Variants in TNS3 observed in about 807,000 individuals in gnomAD.
The protein encoded by TNS3 is tensin 3.
Under a neutral mutation model 140.9 loss-of-function variants are expected in TNS3, and 45 were observed. The ratio of observed to expected loss-of-function variants is 0.32; its 90% CI spans 0.25 to 0.41. The LOEUF (loss-of-function observed/expected upper bound fraction) is 0.41, where lower values mean the gene tolerates loss of function less well. Among genes scored for constraint, TNS3 ranks in the 10% least tolerant of loss-of-function variants. TNS3 has a pLI of 1.00. For missense variants in TNS3, 1,716 were observed against 1,906.7 expected (o/e 0.90, Z 1.86); for synonymous variants, 815 against 788.4 (o/e 1.03, Z -0.56).
chr7:47,453,281 C>T (rs1796106029), intron 4 of TNS3: 2 of 984,070 alleles, frequency 2.0e-6, no homozygotes, highest in African/African-American at 1.7e-5. Flanking sequence ...AAGAACAGCG[C>T]TCTCCGGGAG....
intron 1 of TNS3, chr7:47,581,749 C>G (rs1584874970): frequency 6.6e-6 from 1 of 150,884 alleles, no homozygotes; most frequent in Admixed American, 6.6e-5. Context: ...CCCCGCCCCC[C>G]ACGCGCCGCA....
intron 27 of TNS3, among the ~76,000 whole-genome samples, chr7:47,285,030 C>G (rs190342196): frequency 6.6e-6 from 1 of 152,124 alleles, no homozygotes; most frequent in African/African-American, 2.4e-5. Flanking sequence ...GGTGGTTTGG[C>G]AGGTATGTTG....
chr7:47,351,888 A>G (rs1789696116), intron 17 of TNS3, among the ~76,000 whole-genome samples: 3 of 152,068 alleles, frequency 2.0e-5, no homozygotes, highest in Admixed American at 2.0e-4. Context: ...CACCTCTCTC[A>G]CAGGAACACA....
intron 2 of TNS3, among the ~76,000 whole-genome samples, chr7:47,523,378 C>G (rs1040964148): frequency 1.3e-5 from 2 of 152,174 alleles, no homozygotes; most frequent in African/African-American, 4.8e-5. Context: ...GAGGCAGTTC[C>G]AAAAAACTAT....
intron 17 of TNS3, among the ~76,000 whole-genome samples, chr7:47,360,891 T>C (rs866967375): frequency 6.6e-6 from 1 of 152,072 alleles, no homozygotes; most frequent in African/African-American, 2.4e-5. Flanking sequence ...CCTGGACTTT[T>C]AGAAAGTACC....
At chr7:47,544,201 T>A (rs1046015558) in intron 1 of TNS3, among the ~76,000 whole-genome samples, 2 of 147,840 alleles carry the variant, frequency 1.4e-5, no homozygotes, top group Admixed American at 6.7e-5. Context: ...GCAGGAAGAG[T>A]CAGAGGCTGG....
intron 2 of TNS3, among the ~76,000 whole-genome samples, chr7:47,508,604 C>T (rs334500): frequency 0.37 from 56,036 of 152,174 alleles, 11,250 homozygotes; most frequent in Non-Finnish European, 0.46. Context: ...AGGACCACGA[C>T]ATCATGCAGC....
Position 47,303,547 on chromosome 7 carries a change from G to A in TNS3, c.2860C>T (p.Pro954Ser). The stretch of plus-strand genomic sequence containing the variant: ...CCCAGCAGGGAAACCATGGGCTTGG[G>A]GCTGCTCTCCACCCACTGGCGTTCT... ...SAERQWVESS[P>S]KPMVSLLGSG... Residue 954 changes from proline to serine, a missense_variant, in exon 22 of 31, where the codon CCC becomes TCC. Transcript: ENST00000311160. 4 of 1,602,818 alleles carry A rather than the reference G, an allele frequency of 2.5e-6. No homozygotes were observed. Among genetic ancestry groups the A allele is most frequent in the Non-Finnish European group, 3.4e-6 (4 of 1,178,152 alleles).
At chr7:47,465,548 A>G (rs946456914) in intron 4 of TNS3, among the ~76,000 whole-genome samples, 6 of 152,014 alleles carry the variant, frequency 3.9e-5, no homozygotes, top group African/African-American at 1.5e-4. Flanking sequence ...GCATCCATAC[A>G]CCGACACCCC....
At chr7:47,386,940 A>G (rs1174899579) in intron 16 of TNS3, among the ~76,000 whole-genome samples, 1 of 152,216 alleles carries the variant, frequency 6.6e-6, no homozygotes, top group East Asian at 1.9e-4. Flanking sequence ...CTAGTCTCTG[A>G]CACCTATGCC....
intron 2 of TNS3, among the ~76,000 whole-genome samples, chr7:47,528,482 G>A (rs942482194): frequency 3.3e-5 from 5 of 152,032 alleles, no homozygotes; most frequent in East Asian, 1.9e-4. Context: ...CCACTGGTCC[G>A]CCAAGCAGCC....
At chr7:47,317,445 A>T (rs773586014) in intron 20 of TNS3, among the ~76,000 whole-genome samples, 8 of 152,240 alleles carry the variant, frequency 5.3e-5, no homozygotes, top group Non-Finnish European at 1.2e-4. Flanking sequence ...GGTTTTGATC[A>T]GACTGGAAAG....
intron 17 of TNS3, among the ~76,000 whole-genome samples, chr7:47,365,978 A>G (rs991107514): frequency 6.6e-6 from 1 of 152,144 alleles, no homozygotes; most frequent in African/African-American, 2.4e-5. Flanking sequence ...AGAGACTACT[A>G]TATGTTAACC....
chr7:47,348,097 C>A (rs1246652762), intron 17 of TNS3, among the ~76,000 whole-genome samples: 1 of 152,228 alleles, frequency 6.6e-6, no homozygotes, highest in Non-Finnish European at 1.5e-5. Context: ...GCATTTGCAG[C>A]CATTCCAAGA....
intron 15 of TNS3, among the ~76,000 whole-genome samples, chr7:47,397,813 G>A (rs996700520): frequency 2.6e-5 from 4 of 152,016 alleles, no homozygotes; most frequent in African/African-American, 9.7e-5. Context: ...AAAGCTAGTA[G>A]AAGAAAATGA....
chr7:47,315,679 A>G (rs896707599), intron 20 of TNS3, among the ~76,000 whole-genome samples: 1 of 152,226 alleles, frequency 6.6e-6, no homozygotes, highest in African/African-American at 2.4e-5. Context: ...CAAAACCTGC[A>G]ACCTAAATGT....
chr7:47,579,945 CAG>C, intron 1 of TNS3: 2 of 610,884 alleles, frequency 3.3e-6, no homozygotes, highest in Non-Finnish European at 4.1e-6. Flanking sequence ...CCTTTATTTC[CAG>C]AGTCACATTT....
At chr7:47,396,928 A>G (rs375669894) in intron 15 of TNS3, 24 bp from the exon 16 acceptor site, 576 of 1,579,714 alleles carry the variant, frequency 3.6e-4, no homozygotes, top group Middle Eastern at 8.4e-4. Context: ...AGGCAGCAAC[A>G]TTAGTCCCAG....
Position 47,277,933 on chromosome 7 carries a change from A to G in TNS3, c.*143T>C, listed in dbSNP as rs1335523756. 2.2e-6 allele frequency: 2 copies of G among 929,454 alleles called. No homozygotes were observed. Among genetic ancestry groups the G allele is most frequent in the East Asian group, 2.6e-5 (1 of 38,316 alleles). 57.6% of individuals were successfully genotyped at this position (929,454 alleles called of 1,614,324 possible). On this transcript the variant is annotated 3_prime_UTR_variant, in exon 31 of 31. Transcript: ENST00000311160. ...TGATGTTGTTTGTTCTTGTTTTTGC[A>G]GAGCTGGAAGATCCTCTTTCCCCTC... is the stretch of plus-strand genomic sequence containing the variant.
Sources: gnomAD v4.1 joint callset for allele counts (sites outside exome capture counted in the v4.1 genomes callset) on GRCh38, gnomAD v4.1.1 for gene constraint, MANE v1.5 for transcripts, NCBI Gene and HGNC (gene_info 2026-07-23, HGNC 2026-07-21) for gene names.